The following TOP3B variants were observed in gnomAD, a reference collection of about 807,000 sequenced individuals.
TOP3B encodes DNA topoisomerase III beta, also known as DNA topoisomerase 3-beta-1.
In TOP3B, 45 loss-of-function variants were observed where a neutral mutation model predicts 93.9. The ratio of observed to expected loss-of-function variants is 0.48; its 90% CI spans 0.38 to 0.61. TOP3B has a LOEUF of 0.61. Among genes scored for constraint, TOP3B ranks in the 20% least tolerant of loss-of-function variants. The pLI is 0.00. For synonymous variants in TOP3B, 357 were observed against 472.6 expected, an observed-to-expected ratio of 0.76 and a Z score of 3.17; for missense variants, 750 against 1,156.1, an observed-to-expected ratio of 0.65 and a Z score of 5.09.
In TOP3B at chr22:21,971,047, T is replaced by C. The variant is rs984153332; in HGVS notation, c.385-641A>G. 1.8e-5 allele frequency: 23 copies of C among 1,302,830 alleles called. No homozygotes were observed. The East Asian group carries it at 1.3e-3, about 73-fold the overall frequency. The allele number at this position is 1,302,830 out of a possible 1,614,324, so 80.7% of individuals were successfully genotyped here. A position where few individuals can be genotyped will look rare whatever the true frequency, so the allele number is the denominator to read the frequency against. ...GGCCACGCAGCTTCCTTACTGGGAA[T>C]AAGTGGCTTCATTTCTGAAGGGAGA... is the stretch of plus-strand genomic sequence containing the variant. On this transcript the variant is annotated intron_variant, in intron 5 of 17. Transcript: ENST00000357179. The surrounding 1 kb of genome is among the most constrained non-coding windows in gnomAD (Gnocchi z 4.6).
chr22:21,960,508 T>C (rs748770081), intron 13 of TOP3B, 59 bp from the exon 14 acceptor site: 19 of 1,604,638 alleles, frequency 1.2e-5, no homozygotes, highest in South Asian at 8.8e-5. Flanking sequence ...CACTGAACCA[T>C]GTGCTGTATC....
At chr22:21,967,862 G>C in intron 7 of TOP3B, 146 bp from the exon 8 acceptor site, 1 of 629,172 alleles carries the variant, frequency 1.6e-6, no homozygotes, top group Non-Finnish European at 2.8e-6. Flanking sequence ...TACCTGTTCA[G>C]GTGGGCAGAT....
intron 7 of TOP3B, 30 bp downstream of exon 7, chr22:21,968,589 C>T (rs1199909889): frequency 6.2e-7 from 1 of 1,611,582 alleles, no homozygotes; most frequent in Non-Finnish European, 8.5e-7. Context: ...ACCCAGAAAG[C>T]CCCAGCATGA....
At chr22:21,964,627 C>A in intron 9 of TOP3B, 2 of 425,964 alleles carry the variant, frequency 4.7e-6, no homozygotes, top group Non-Finnish European at 8.7e-6. Flanking sequence ...GACACATGGC[C>A]TTCAGAGCAC....
chr22:21,960,582 G>C (rs936565557), intron 13 of TOP3B, 133 bp from the exon 14 acceptor site: 60 of 1,279,760 alleles, frequency 4.7e-5, no homozygotes, highest in Non-Finnish European at 6.3e-5. Context: ...AGGGAGGGCT[G>C]TGCCCTGAGC....
At chr22:21,972,157 AC>A in intron 4 of TOP3B, 2 of 549,752 alleles carry the variant, frequency 3.6e-6, no homozygotes, top group South Asian at 2.5e-5. Flanking sequence ...TGTTTTTTGG[AC>A]CAAAAAAAAA....
At chr22:21,972,519 G>C in intron 4 of TOP3B, 93 bp downstream of exon 4, 2 of 983,974 alleles carry the variant, frequency 2.0e-6, no homozygotes, top group Non-Finnish European at 3.0e-6. Context: ...CTGTCCAAGG[G>C]GGATTAGGAC....
intron 16 of TOP3B, 84 bp downstream of exon 16, chr22:21,959,048 G>T: frequency 1.3e-6 from 2 of 1,555,108 alleles, no homozygotes; most frequent in Non-Finnish European, 1.7e-6. Flanking sequence ...CCAGGACAAA[G>T]AACATGATTC....
intron 4 of TOP3B, chr22:21,972,408 C>CT: frequency 1.8e-6 from 1 of 544,284 alleles, no homozygotes; most frequent in Non-Finnish European, 3.2e-6. Flanking sequence ...CTCTCCAGGA[C>CT]TGAGGGTTGG....
chr22:21,964,451 T>A lies in TOP3B; in HGVS notation c.944-136A>T. On this transcript the variant is annotated intron_variant, in intron 9 of 17. Transcript: ENST00000357179. ...GACGGTGGCTCTGAGCAGGCACAGC[T>A]GGAGTGCAAAGCTGCTGGCCGGGTG... 4 of 1,039,294 alleles carry A rather than the reference T, an allele frequency of 3.8e-6. No homozygotes were observed. The South Asian group carries it at 4.5e-5, about 12-fold the overall frequency. The allele number at this position is 1,039,294 out of a possible 1,614,324, so 64.4% of individuals were successfully genotyped here.
intron 3 of TOP3B, 64 bp downstream of exon 3, chr22:21,974,293 A>G: frequency 6.4e-7 from 1 of 1,560,274 alleles, no homozygotes; most frequent in Non-Finnish European, 8.7e-7. Context: ...TCCTGGCTTC[A>G]ACTGGACCCT....
Position 21,963,286 on chromosome 22 carries a change from G to A in TOP3B, c.1205-393C>T, listed in dbSNP as rs1389129994. 6 of 187,308 alleles carry A rather than the reference G, an allele frequency of 3.2e-5. No homozygotes were observed. The highest frequency in any genetic ancestry group is 2.7e-4 in the Admixed American group (5 of 18,406). 11.6% of individuals were successfully genotyped at this position (187,308 alleles called of 1,614,324 possible). ...TGGGAGGCAGAGGTTGCAGTGAGCC[G>A]AGATCGGGCCACTGCACTCCAGCCT... On this transcript the variant is annotated intron_variant, in intron 11 of 17. Coordinates refer to ENST00000357179, the MANE Select transcript of TOP3B (RefSeq NM_001282112.2). This position sits in a 1 kb window ranked among gnomAD's most constrained non-coding sequence, Gnocchi z 4.8.
At chr22:21,964,395 C>A (rs965906878) in intron 9 of TOP3B, 80 bp from the exon 10 acceptor site, 79 of 1,547,756 alleles carry the variant, frequency 5.1e-5, no homozygotes, top group Non-Finnish European at 6.7e-5. Context: ...CACTCAGGCT[C>A]CCCCATTGTG....
intron 14 of TOP3B, 79 bp downstream of exon 14, chr22:21,960,242 G>C: frequency 6.3e-7 from 1 of 1,597,602 alleles, no homozygotes. Context: ...GGGCCTGTCT[G>C]GAGCGGGCAG....
At chr22:21,965,582 T>A in intron 8 of TOP3B, 1 of 354,610 alleles carries the variant, frequency 2.8e-6, no homozygotes, top group Non-Finnish European at 5.1e-6. Context: ...AAAAAAAAAT[T>A]TTGGCTGGGT....
chr22:21,957,061 T>G lies in TOP3B; in HGVS notation c.*53A>C, dbSNP rs1601801523. On this transcript the variant is annotated 3_prime_UTR_variant, in exon 18 of 18. Coordinates refer to ENST00000357179, the MANE Select transcript of TOP3B (RefSeq NM_001282112.2). ...TAAAATGCATTTTAATAGTTTGAAG[T>G]GCCATGAGGTGTCTGCATGGCACTG... 6.5e-6 allele frequency: 4 copies of G among 613,004 alleles called. No individual in the cohort carries two copies. In the Middle Eastern group the frequency reaches 1.8e-3, roughly 270 times the overall value. The allele number at this position is 613,004 out of a possible 1,614,324, so 38.0% of individuals were successfully genotyped here.
intron 6 of TOP3B, chr22:21,969,867 G>C: frequency 5.0e-6 from 1 of 201,726 alleles, no homozygotes; most frequent in Non-Finnish European, 1.0e-5. Context: ...GTTGCAGTGA[G>C]CTGAGATTGT....
In TOP3B at chr22:21,963,647, C is replaced by T. The variant is rs552960094; in HGVS notation, c.1204+276G>A. 3.4e-4 allele frequency: 159 copies of T among 469,328 alleles called. No homozygotes were observed. Among genetic ancestry groups the T allele is most frequent in the African/African-American group, 2.8e-3 (141 of 50,498 alleles). 29.1% of individuals were successfully genotyped at this position (469,328 alleles called of 1,614,324 possible). A position where few individuals can be genotyped will look rare whatever the true frequency, so the allele number is the denominator to read the frequency against. ...CTGGGAGGTAGGAGGTGTGCTGCCC[C>T]CTCCCCCACACCGCCACTCTCTACC... On this transcript the variant is annotated intron_variant, in intron 11 of 17. Coordinates refer to ENST00000357179, the MANE Select transcript of TOP3B (RefSeq NM_001282112.2). This position sits in a 1 kb window ranked among gnomAD's most constrained non-coding sequence, Gnocchi z 4.8.
intron 10 of TOP3B, 32 bp downstream of exon 10, chr22:21,964,129 A>G (rs1569146470): frequency 1.9e-6 from 3 of 1,613,444 alleles, no homozygotes; most frequent in Non-Finnish European, 2.5e-6. Context: ...AGTGACACAC[A>G]CACATGCTGA....
Sources: gnomAD v4.1 joint callset for allele counts on GRCh38, gnomAD v4.1.1 for gene constraint, Gnocchi (gnomAD v3.1) non-coding constraint, MANE v1.5 for transcripts, NCBI Gene and HGNC (gene_info 2026-07-23, HGNC 2026-07-21) for gene names.